Variants in PRMT9 observed in about 807,000 individuals in gnomAD.
The protein encoded by PRMT9 is protein arginine methyltransferase 9.
PRMT9 carries 59 observed loss-of-function variants against 83.2 expected under a neutral mutation model. The observed-to-expected ratio is 0.71, with a 90% CI of 0.57 to 0.88. The LOEUF is 0.88. PRMT9 is among the 40% of genes least tolerant of loss of function. PRMT9 has a pLI of 0.00. For synonymous variants in PRMT9, 333 were observed against 353.2 expected (o/e 0.94, Z 0.64); for missense variants, 947 against 1,021.9 (o/e 0.93, Z 1.00).
chr4:147,653,961 T>C lies in PRMT9; in HGVS notation c.1936A>G (p.Met646Val), dbSNP rs990991506. 3.7e-6 allele frequency: 6 copies of C among 1,614,202 alleles called. 1 individual carries two copies. Among genetic ancestry groups the C allele is most frequent in the African/African-American group, 2.7e-5 (2 of 75,066 alleles). ...WLRHVEDESA[M>V]LQRPKSDKLW... Reference sequence around the variant, plus strand: ...TTGTCTGATTTTGGCCTTTGTAACATAGCAGATTCATCCTCCACATGTCTC... The same window carrying C: ...TTGTCTGATTTTGGCCTTTGTAACACAGCAGATTCATCCTCCACATGTCTC... Residue 646 changes from methionine to valine, a missense_variant, in exon 9 of 12, where the codon ATG (methionine) becomes GTG (valine). Physicochemically the swap from Met to Val is conservative, Grantham distance 21. Coordinates refer to ENST00000322396, the MANE Select transcript of PRMT9 (RefSeq NM_138364.4).
At chr4:147,672,113 T>G (rs139009316) in intron 4 of PRMT9, 26 of 295,994 alleles carry the variant, frequency 8.8e-5, no homozygotes, top group African/African-American at 5.4e-4. Context: ...GTTTTTAGTG[T>G]TTTTTTCTAT....
chr4:147,642,002 T>C (rs2126568802), intron 10 of PRMT9, among the ~76,000 whole-genome samples: 1 of 152,264 alleles, frequency 6.6e-6, no homozygotes, highest in African/African-American at 2.4e-5. Context: ...AAACAGAGGC[T>C]AACCCCCTTT....
At chr4:147,657,277 G>A (rs186124335) in intron 8 of PRMT9, among the ~76,000 whole-genome samples, 6 of 152,198 alleles carry the variant, frequency 3.9e-5, no homozygotes, top group East Asian at 1.9e-4. Flanking sequence ...CGTAATCCCA[G>A]CACTTTGGGA....
intron 2 of PRMT9, among the ~76,000 whole-genome samples, chr4:147,677,982 A>G (rs943000296): frequency 2.6e-5 from 4 of 152,222 alleles, no homozygotes; most frequent in Middle Eastern, 3.4e-3. Flanking sequence ...ATTTCTCCAC[A>G]CTGAAAAAAA....
chr4:147,683,863 C>A lies in PRMT9; in HGVS notation c.125G>T (p.Gly42Val). ...AEHCLGVQDFGTAYAHYLLVL... is the reference protein window; with the variant it reads ...AEHCLGVQDFVTAYAHYLLVL... ...GAGGAGGTAGTGGGCATAGGCAGTG[C>A]CGAAGTCCTGGACGCCCAGACAGTG... The change falls in exon 1 of 12, where the codon GGC becomes GTC. Residue 42 changes from glycine to valine, a missense_variant. Gly to Val is a moderately radical substitution (Grantham distance 109, BLOSUM62 -3). Coordinates refer to ENST00000322396, the MANE Select transcript of PRMT9 (RefSeq NM_138364.4). The A allele has an allele frequency of 6.2e-7, 1 of 1,613,608 alleles. No individual in the cohort carries two copies. The highest frequency in any genetic ancestry group is 8.5e-7 in the Non-Finnish European group (1 of 1,179,996).
In PRMT9 at chr4:147,639,013, A is replaced by C. The variant is rs1214447268; in HGVS notation, c.2269T>G (p.Leu757Val). 7 of 1,612,468 alleles carry C rather than the reference A, an allele frequency of 4.3e-6. No homozygotes were observed. Among genetic ancestry groups the C allele is most frequent in the Non-Finnish European group, 5.9e-6 (7 of 1,178,722 alleles). ...TACGGAGTCATTAAATCTAGTCTTA[A>C]GAGTTCCACTGGCTTGCTTAAAGGT... ...CIPLSKPVELLRLDLMTPYLN... is the reference protein window; with the variant it reads ...CIPLSKPVELVRLDLMTPYLN... Residue 757 changes from leucine (L) to valine (V), a missense_variant, in exon 11 of 12, where the codon TTA becomes GTA. Physicochemically the swap from Leu to Val is conservative, Grantham distance 32 (BLOSUM62 1). Transcript: ENST00000322396.
intron 10 of PRMT9, 51 bp downstream of exon 10, chr4:147,642,736 T>C (rs1733485345): frequency 1.4e-6 from 2 of 1,479,170 alleles, no homozygotes; most frequent in African/African-American, 2.8e-5. Flanking sequence ...GAGAGAGCGA[T>C]GGTAGACTGT....
chr4:147,667,097 A>C (rs1560991771), intron 6 of PRMT9, among the ~76,000 whole-genome samples: 1 of 152,230 alleles, frequency 6.6e-6, no homozygotes, highest in Non-Finnish European at 1.5e-5. Flanking sequence ...ATGTTACAGC[A>C]AGAAATCTCA....
intron 9 of PRMT9, among the ~76,000 whole-genome samples, chr4:147,645,414 A>G (rs1733666705): frequency 6.6e-6 from 1 of 152,244 alleles, no homozygotes; most frequent in Non-Finnish European, 1.5e-5. Flanking sequence ...GCAATGAAGA[A>G]TATTACTGGG....
In PRMT9 at chr4:147,670,707, A is replaced by G; in HGVS notation, c.780T>C (p.Gly260=). The change falls in exon 5 of 12, where the codon GGT becomes GGC. Residue 260 remains glycine, a synonymous_variant. Transcript: ENST00000322396. The stretch of plus-strand genomic sequence containing the variant: ...TCTCCACAATTCCTTCTCCAAATAA[A>G]CCTGCATCGACAGTTTCTGTTACAA... ...SLVVTETVDA[G]LFGEGIVESL... 2.5e-6 allele frequency: 4 copies of G among 1,613,196 alleles called. No homozygotes were observed. The highest frequency in any genetic ancestry group is 3.4e-6 in the Non-Finnish European group (4 of 1,179,352).
intron 9 of PRMT9, among the ~76,000 whole-genome samples, chr4:147,645,186 A>G (rs1733651733): frequency 6.6e-6 from 1 of 152,170 alleles, no homozygotes; most frequent in East Asian, 1.9e-4. Flanking sequence ...AAACCTAAAC[A>G]AGCTAAGCTA....
At chr4:147,679,159 C>T (rs1736290183) in intron 2 of PRMT9, among the ~76,000 whole-genome samples, 1 of 152,240 alleles carries the variant, frequency 6.6e-6, no homozygotes. Flanking sequence ...AGGCCGCGTG[C>T]AGTGGCTCAA....
At chr4:147,650,475 T>C (rs1734019170) in intron 9 of PRMT9, among the ~76,000 whole-genome samples, 1 of 152,156 alleles carries the variant, frequency 6.6e-6, no homozygotes, top group African/African-American at 2.4e-5. Context: ...TAGGAATACT[T>C]AGGCAAAAGA....
intron 5 of PRMT9, 138 bp downstream of exon 5, chr4:147,670,503 C>A (rs567919202): frequency 4.3e-6 from 3 of 704,936 alleles, no homozygotes; most frequent in Middle Eastern, 2.9e-4. Flanking sequence ...GCATAGATTT[C>A]TTTCCAACCA....
At chr4:147,643,707 G>A (rs538333460) in intron 9 of PRMT9, among the ~76,000 whole-genome samples, 1 of 152,286 alleles carries the variant, frequency 6.6e-6, no homozygotes, top group Middle Eastern at 3.4e-3. Context: ...CAAAAACAAT[G>A]GGACAGGCTG....
At position 147,654,175 on chromosome 4, in the gene PRMT9, A is replaced by C. The variant is rs1169449849; in HGVS notation, c.1722T>G (p.Thr574=). The C allele has an allele frequency of 6.2e-7, 1 of 1,614,234 alleles. No homozygotes were observed. Among genetic ancestry groups the C allele is most frequent in the Admixed American group, 1.7e-5 (1 of 60,028 alleles). ...EMSSGTGQSN[T]VQNILEPFYV... is the part of the protein sequence containing the mutation. Reference sequence around the variant, plus strand: ...AGAAAGGTTCAAGGATGTTCTGTACAGTATTACTCTGTCCAGTTCCAGAGC... The same window carrying C: ...AGAAAGGTTCAAGGATGTTCTGTACCGTATTACTCTGTCCAGTTCCAGAGC... The change falls in exon 9 of 12, where the codon ACT becomes ACG. Residue 574 remains threonine (T), a synonymous_variant. Coordinates refer to ENST00000322396, the MANE Select transcript of PRMT9 (RefSeq NM_138364.4).
At chr4:147,670,851 A>G (rs1578927925) in intron 4 of PRMT9, 108 bp from the exon 5 acceptor site, 1 of 735,424 alleles carries the variant, frequency 1.4e-6, no homozygotes, top group Middle Eastern at 2.4e-4. Flanking sequence ...AACAGTCCAT[A>G]TGTAATATAT....
chr4:147,672,727 A>C (rs1735812417), intron 4 of PRMT9, among the ~76,000 whole-genome samples: 1 of 152,134 alleles, frequency 6.6e-6, no homozygotes, highest in African/African-American at 2.4e-5. Context: ...ACTTGCTAAG[A>C]TCAAGTTTAT....
At chr4:147,679,473 C>T (rs1004682425) in intron 2 of PRMT9, among the ~76,000 whole-genome samples, 27 of 150,540 alleles carry the variant, frequency 1.8e-4, no homozygotes, top group African/African-American at 6.6e-4. Flanking sequence ...GGAGGCCAGG[C>T]GCAGTGGCTC....
Sources: allele counts gnomAD v4.1 joint callset (sites outside exome capture counted in the v4.1 genomes callset), GRCh38; gene constraint gnomAD v4.1.1; transcripts MANE v1.5; gene names NCBI Gene and HGNC (gene_info 2026-07-23, HGNC 2026-07-21).